The following AKAP6 variants were observed in gnomAD, a reference collection of about 807,000 sequenced individuals.
AKAP6 encodes A-kinase anchor protein 6.
AKAP6 carries 58 observed loss-of-function variants against 188.5 expected under a neutral mutation model. That is an observed-to-expected ratio of 0.31 (90% confidence interval 0.25 to 0.38). The LOEUF (loss-of-function observed/expected upper bound fraction) is 0.38, where lower values mean the gene tolerates loss of function less well. AKAP6 is among the 10% of genes least tolerant of loss of function. AKAP6 has a pLI of 1.00. For synonymous variants in AKAP6, 989 were observed against 998.6 expected (o/e 0.99, Z 0.18); for missense variants, 2,710 against 2,740.0 (o/e 0.99, Z 0.24).
intron 1 of AKAP6, among the ~76,000 whole-genome samples, chr14:32,426,975 T>G (rs1202899118): frequency 6.6e-6 from 1 of 152,100 alleles, no homozygotes; most frequent in Non-Finnish European, 1.5e-5. Context: ...AGATGGTGCG[T>G]GGTCTCTAAG....
chr14:32,708,197 G>A (rs1398524699), intron 9 of AKAP6, among the ~76,000 whole-genome samples: 2 of 152,100 alleles, frequency 1.3e-5, no homozygotes, highest in African/African-American at 4.8e-5. Flanking sequence ...AGGTATAGAA[G>A]CACAATTTGT....
intron 1 of AKAP6, among the ~76,000 whole-genome samples, chr14:32,392,804 A>G (rs1016314910): frequency 1.3e-5 from 2 of 152,190 alleles, no homozygotes; most frequent in African/African-American, 4.8e-5. Flanking sequence ...ATAGTAATGA[A>G]TTATAATTCA....
At chr14:32,616,252 GTA>G (rs889528541) in intron 7 of AKAP6, among the ~76,000 whole-genome samples, 2 of 152,110 alleles carry the variant, frequency 1.3e-5, no homozygotes, top group Non-Finnish European at 2.9e-5. Context: ...GCATTACTGG[GTA>G]TATATCCAAA....
At chr14:32,529,175 A>T (rs954455826) in intron 2 of AKAP6, among the ~76,000 whole-genome samples, 4 of 152,112 alleles carry the variant, frequency 2.6e-5, no homozygotes, top group African/African-American at 9.7e-5. Context: ...TTTCATATAG[A>T]TCTTGTACAT....
chr14:32,712,650 CT>C (rs1446634752), intron 9 of AKAP6, among the ~76,000 whole-genome samples: 2 of 152,104 alleles, frequency 1.3e-5, no homozygotes, highest in African/African-American at 4.8e-5. Flanking sequence ...AAACTACTAT[CT>C]TTGCTTATTC....
intron 3 of AKAP6, among the ~76,000 whole-genome samples, chr14:32,544,582 GA>G (rs781109194): frequency 8.7e-4 from 132 of 152,206 alleles, no homozygotes; most frequent in Non-Finnish European, 1.7e-3. Context: ...CATGCAGAGG[GA>G]GGAGCTGATG....
At chr14:32,470,846 A>G (rs1294126010) in intron 2 of AKAP6, among the ~76,000 whole-genome samples, 6 of 152,234 alleles carry the variant, frequency 3.9e-5, no homozygotes, top group Non-Finnish European at 4.4e-5. Context: ...TTAGTTTACT[A>G]CAAGAGCAGT....
intron 1 of AKAP6, among the ~76,000 whole-genome samples, chr14:32,418,813 G>C (rs1330317272): frequency 6.6e-6 from 1 of 152,132 alleles, no homozygotes; most frequent in Non-Finnish European, 1.5e-5. Context: ...TTGATTGAAG[G>C]TGAATTTGTA....
intron 1 of AKAP6, among the ~76,000 whole-genome samples, chr14:32,338,700 A>G (rs1252249278): frequency 6.6e-6 from 1 of 152,148 alleles, no homozygotes; most frequent in African/African-American, 2.4e-5. Flanking sequence ...TAGCTCTACT[A>G]TAAAATTATT....
intron 7 of AKAP6, among the ~76,000 whole-genome samples, chr14:32,633,286 T>G (rs1887350846): frequency 6.6e-6 from 1 of 152,122 alleles, no homozygotes; most frequent in African/African-American, 2.4e-5. Context: ...CAGAGCCCTC[T>G]ATCCAGGCAA....
chr14:32,673,229 C>A (rs1191460233), intron 7 of AKAP6, among the ~76,000 whole-genome samples: 1 of 152,194 alleles, frequency 6.6e-6, no homozygotes, highest in Non-Finnish European at 1.5e-5. Flanking sequence ...TACCCCCAAC[C>A]CCCACCTTCA....
chr14:32,530,139 A>T (rs1882339849), intron 2 of AKAP6, among the ~76,000 whole-genome samples: 1 of 151,566 alleles, frequency 6.6e-6, no homozygotes, highest in South Asian at 2.1e-4. Context: ...GCATTTTCCC[A>T]CTTCAGCTTC....
intron 7 of AKAP6, among the ~76,000 whole-genome samples, chr14:32,662,134 A>T (rs1888729273): frequency 1.3e-5 from 2 of 152,104 alleles, no homozygotes; most frequent in South Asian, 4.1e-4. Context: ...TTCATAGTAT[A>T]ATAGATTATT....
Position 32,493,500 on chromosome 14 carries a change from C to T in AKAP6, c.325-42054C>T, listed in dbSNP as rs565834873. Among the ~76,000 whole-genome samples, 202 of 152,052 alleles carry T rather than the reference C, an allele frequency of 1.3e-3. 2 individuals carry two copies. The highest frequency in any genetic ancestry group is 4.6e-3 in the African/African-American group (191 of 41,478). On this transcript the variant is annotated intron_variant, in intron 2 of 13. Transcript: ENST00000280979. ...TGCTTGGATTACAGGTGTGAGCTAC[C>T]GCACCCGGCCTAAGGCACACTAAAA... is the stretch of plus-strand genomic sequence containing the variant.
At chr14:32,678,939 A>G (rs1255562892) in intron 8 of AKAP6, among the ~76,000 whole-genome samples, 1 of 152,212 alleles carries the variant, frequency 6.6e-6, no homozygotes. Flanking sequence ...ACATGAAGTC[A>G]ATTGGAATAG....
At chr14:32,561,159 T>C (rs1594744836) in intron 4 of AKAP6, among the ~76,000 whole-genome samples, 1 of 152,154 alleles carries the variant, frequency 6.6e-6, no homozygotes, top group Non-Finnish European at 1.5e-5. Context: ...ATGTTAATTA[T>C]GTTTGTCATG....
At chr14:32,748,135 A>C (rs891830676) in intron 11 of AKAP6, among the ~76,000 whole-genome samples, 10 of 152,218 alleles carry the variant, frequency 6.6e-5, no homozygotes, top group Non-Finnish European at 1.3e-4. Flanking sequence ...CTTTGTTAGT[A>C]CATTCAAATA....
chr14:32,717,474 C>T (rs975311696), intron 9 of AKAP6, among the ~76,000 whole-genome samples: 1 of 151,822 alleles, frequency 6.6e-6, no homozygotes, highest in African/African-American at 2.4e-5. Flanking sequence ...ATTGTTTTTC[C>T]TATCTGGTGA....
At chr14:32,353,991 C>T (rs1271567276) in intron 1 of AKAP6, among the ~76,000 whole-genome samples, 1 of 152,176 alleles carries the variant, frequency 6.6e-6, no homozygotes, top group Non-Finnish European at 1.5e-5. Context: ...ATTCCATGCT[C>T]ATGGATAGGA....
Sources: gnomAD v4.1 joint callset for allele counts (sites outside exome capture counted in the v4.1 genomes callset) on GRCh38, gnomAD v4.1.1 for gene constraint, MANE v1.5 for transcripts, NCBI Gene and HGNC (gene_info 2026-07-23, HGNC 2026-07-21) for gene names.